Variants in GPHN observed in about 807,000 individuals in gnomAD.
GPHN encodes the protein gephyrin.
GPHN carries 17 observed loss-of-function variants against 95.5 expected under a neutral mutation model. The observed-to-expected ratio is 0.18, with a 90% CI of 0.12 to 0.27. The LOEUF (loss-of-function observed/expected upper bound fraction) is 0.27. GPHN is among the 10% of genes least tolerant of loss of function. The pLI is 1.00. For synonymous variants in GPHN, 320 were observed against 322.5 expected, an observed-to-expected ratio of 0.99 and a Z score of 0.08; for missense variants, 660 against 978.1, an observed-to-expected ratio of 0.67 and a Z score of 4.34.
At chr14:66,805,619 T>C (rs1029903686) in intron 3 of GPHN, among the ~76,000 whole-genome samples, 2 of 152,162 alleles carry the variant, frequency 1.3e-5, no homozygotes, top group African/African-American at 4.8e-5. Flanking sequence ...TGGGGAAAAT[T>C]GGCCAAAAGA....
chr14:66,657,777 C>T (rs530653129), intron 1 of GPHN, among the ~76,000 whole-genome samples: 6 of 152,274 alleles, frequency 3.9e-5, no homozygotes, highest in South Asian at 4.1e-4. Context: ...AATACTGCTG[C>T]TCACTGACAG....
At chr14:67,545,850 G>A in the GPHN span, among the ~76,000 whole-genome samples, 1 of 151,824 alleles carries the variant, frequency 6.6e-6, no homozygotes, top group African/African-American at 2.4e-5. Context: ...TTCAAAGACA[G>A]TACTAATTGT....
At chr14:66,782,913 G>A (rs1484183008) in intron 3 of GPHN, among the ~76,000 whole-genome samples, 1 of 152,096 alleles carries the variant, frequency 6.6e-6, no homozygotes, top group South Asian at 2.1e-4. Context: ...AGACTACCTG[G>A]CTACCTGGGA....
At chr14:67,590,729 G>C in the GPHN span, among the ~76,000 whole-genome samples, 2 of 152,200 alleles carry the variant, frequency 1.3e-5, no homozygotes, top group African/African-American at 4.8e-5. Context: ...ATGGAGTTAA[G>C]AAGTTTAGGC....
chr14:67,631,428 TTCTTTC>T, the GPHN span, among the ~76,000 whole-genome samples: 2 of 143,982 alleles, frequency 1.4e-5, no homozygotes, highest in African/African-American at 5.3e-5. Flanking sequence ...AATCCTTTCT[TTCTTTC>T]TTTTTTTTTT....
At chr14:66,689,205 T>G (rs1376351878) in intron 2 of GPHN, among the ~76,000 whole-genome samples, 1 of 152,202 alleles carries the variant, frequency 6.6e-6, no homozygotes, top group African/African-American at 2.4e-5. Flanking sequence ...TGTGTTGAAG[T>G]ACATTCCTTC....
At position 66,608,704 on chromosome 14, in the gene GPHN, C is replaced by G. The variant is rs145826154; in HGVS notation, c.65-72403C>G. ...GTGTATAGACTTAAGGTAGTTAAGTCTTCTTGTTGAATGGAACCCTTTGCC... is the reference window on the plus strand; with the variant it reads ...GTGTATAGACTTAAGGTAGTTAAGTGTTCTTGTTGAATGGAACCCTTTGCC... On this transcript the variant is annotated intron_variant, in intron 1 of 22. Coordinates refer to ENST00000478722, the MANE Select transcript of GPHN (RefSeq NM_020806.5). Among the ~76,000 whole-genome samples the G allele has an allele frequency of 3.3e-5, 5 of 152,232 alleles. No homozygotes were observed. The East Asian group carries it at 9.6e-4, about 29-fold the overall frequency.
chr14:67,133,146 A>G (rs2079831273), intron 17 of GPHN, among the ~76,000 whole-genome samples: 1 of 151,954 alleles, frequency 6.6e-6, no homozygotes, highest in African/African-American at 2.4e-5. Context: ...ATTTGTAGTT[A>G]ATGAATTTAT....
chr14:67,690,706 GGGTGCGGT>G, the GPHN span: 1 of 428,678 alleles, frequency 2.3e-6, no homozygotes, highest in East Asian at 4.8e-5. Context: ...CTGGTTGGCT[GGGTGCGGT>G]GGCTCACGCC....
the GPHN span, among the ~76,000 whole-genome samples, chr14:67,667,689 A>C: frequency 5.9e-5 from 9 of 152,218 alleles, no homozygotes; most frequent in Non-Finnish European, 1.3e-4. Flanking sequence ...TCACGCCTGT[A>C]ATCCCTGCAC....
intron 2 of GPHN, among the ~76,000 whole-genome samples, chr14:66,689,460 T>C (rs1474834452): frequency 1.3e-5 from 2 of 152,182 alleles, no homozygotes; most frequent in Non-Finnish European, 2.9e-5. Flanking sequence ...TTTGCTAGTA[T>C]GTGGTTGGTA....
At chr14:67,283,945 A>G in the GPHN span, among the ~76,000 whole-genome samples, 9 of 152,182 alleles carry the variant, frequency 5.9e-5, no homozygotes, top group Non-Finnish European at 1.3e-4. Flanking sequence ...GTAGCTGCAT[A>G]TTGGAAAGTA....
the GPHN span, chr14:67,334,543 C>T: frequency 6.6e-6 from 1 of 152,474 alleles, no homozygotes; most frequent in East Asian, 1.9e-4. Context: ...TTTTCTTCTA[C>T]ATAATTTTAT....
chr14:67,132,817 T>C (rs1471753916), intron 17 of GPHN, among the ~76,000 whole-genome samples: 1 of 151,684 alleles, frequency 6.6e-6, no homozygotes, highest in African/African-American at 2.4e-5. Flanking sequence ...ATTCTAATCA[T>C]TCTATCCCAT....
At chr14:66,961,429 T>TAA (rs944337070) in intron 8 of GPHN, among the ~76,000 whole-genome samples, 13 of 151,726 alleles carry the variant, frequency 8.6e-5, no homozygotes, top group African/African-American at 2.9e-4. Context: ...ACATTAAAAT[T>TAA]AAAAGATTTC....
intron 4 of GPHN, among the ~76,000 whole-genome samples, chr14:66,854,893 A>T (rs1596157152): frequency 6.7e-6 from 1 of 149,604 alleles, no homozygotes; most frequent in African/African-American, 2.5e-5. Context: ...TGTCACCCAG[A>T]CTGGAGTGCA....
chr14:66,785,733 CA>C (rs1389067552), intron 3 of GPHN, among the ~76,000 whole-genome samples: 1,867 of 106,838 alleles, frequency 0.017, 24 homozygotes, highest in African/African-American at 0.056. Context: ...AAAAAACAAA[CA>C]AAAAAAAAAA....
At chr14:67,364,722 T>C in the GPHN span, 1 of 1,534,232 alleles carries the variant, frequency 6.5e-7, no homozygotes, top group Middle Eastern at 1.7e-4. Flanking sequence ...TTTTTTATTT[T>C]CACCTTAACT....
At chr14:67,341,852 C>A in the GPHN span, among the ~76,000 whole-genome samples, 4 of 152,182 alleles carry the variant, frequency 2.6e-5, no homozygotes, top group Non-Finnish European at 5.9e-5. Context: ...AAAAATTCTT[C>A]TGCTTTGGGA....
Sources: gnomAD v4.1 joint callset for allele counts (sites outside exome capture counted in the v4.1 genomes callset) on GRCh38, gnomAD v4.1.1 for gene constraint, MANE v1.5 for transcripts, NCBI Gene and HGNC (gene_info 2026-07-23, HGNC 2026-07-21) for gene names.